The following WWOX variants were observed in gnomAD, a reference collection of about 807,000 sequenced individuals.
WWOX encodes the protein WW domain-containing oxidoreductase.
A neutral mutation model predicts 46.2 loss-of-function variants in WWOX; 69 were observed. The ratio of observed to expected loss-of-function variants is 1.49; its 90% CI spans 1.23 to 1.82. WWOX has a LOEUF of 1.82. Ranked by LOEUF, WWOX falls within the 40% of genes most tolerant of loss-of-function variation. The probability of loss-of-function intolerance (pLI) is 0.00; values close to 1 mark genes in which losing one functional copy is unlikely to be tolerated. For missense variants in WWOX, 919 were observed against 542.6 expected (o/e 1.69, Z -6.89); for synonymous variants, 359 against 202.6 (o/e 1.77, Z -6.56).
intron 8 of WWOX, among the ~76,000 whole-genome samples, chr16:78,682,527 G>A (rs1261512348): frequency 2.6e-5 from 4 of 152,084 alleles, no homozygotes; most frequent in African/African-American, 7.2e-5. Flanking sequence ...AGGCTGCAAC[G>A]ACTTACGATC....
intron 8 of WWOX, among the ~76,000 whole-genome samples, chr16:78,574,234 C>G (rs2044791084): frequency 6.6e-6 from 1 of 152,210 alleles, no homozygotes; most frequent in Non-Finnish European, 1.5e-5. Flanking sequence ...TGGTGTCTTA[C>G]ATGCCCAATG....
At chr16:78,916,667 T>G (rs1431648415) in intron 8 of WWOX, among the ~76,000 whole-genome samples, 1 of 152,184 alleles carries the variant, frequency 6.6e-6, no homozygotes, top group Non-Finnish European at 1.5e-5. Context: ...TTAGTAAAAT[T>G]CCATCCCAGG....
chr16:78,732,832 C>T (rs182998100), intron 8 of WWOX, among the ~76,000 whole-genome samples: 1 of 152,294 alleles, frequency 6.6e-6, no homozygotes, highest in Admixed American at 6.5e-5. Flanking sequence ...TTCTGTAACT[C>T]TTAGGCAGGG....
chr16:78,757,928 T>C (rs1289206071), intron 8 of WWOX, among the ~76,000 whole-genome samples: 6 of 151,934 alleles, frequency 3.9e-5, no homozygotes, highest in East Asian at 1.9e-4. Flanking sequence ...ACCTTGGAGA[T>C]TAGGGTTTCC....
At chr16:78,682,436 C>T (rs1474694948) in intron 8 of WWOX, among the ~76,000 whole-genome samples, 4 of 151,986 alleles carry the variant, frequency 2.6e-5, no homozygotes, top group Non-Finnish European at 4.4e-5. Context: ...TTCCTTTAGC[C>T]GGGTCTGGTG....
intron 8 of WWOX, among the ~76,000 whole-genome samples, chr16:78,560,343 A>G (rs778345779): frequency 6.6e-6 from 1 of 152,214 alleles, no homozygotes; most frequent in Non-Finnish European, 1.5e-5. Context: ...TATTATTACC[A>G]TCAAGAATAA....
intron 4 of WWOX, among the ~76,000 whole-genome samples, chr16:78,117,023 A>G (rs950768825): frequency 6.6e-6 from 1 of 152,218 alleles, no homozygotes; most frequent in Non-Finnish European, 1.5e-5. Flanking sequence ...AAAGGGTGAT[A>G]TCTAGTTAGA....
At chr16:79,099,877 G>T (rs182769195) in intron 8 of WWOX, among the ~76,000 whole-genome samples, 1 of 152,188 alleles carries the variant, frequency 6.6e-6, no homozygotes, top group Non-Finnish European at 1.5e-5. Flanking sequence ...TTATTGCAAG[G>T]AGTTGGCTTA....
At chr16:78,602,289 G>A (rs1355731913) in intron 8 of WWOX, among the ~76,000 whole-genome samples, 2 of 152,182 alleles carry the variant, frequency 1.3e-5, no homozygotes, top group African/African-American at 4.8e-5. Flanking sequence ...CTGGAGTGCA[G>A]TGGTGTAATC....
intron 8 of WWOX, among the ~76,000 whole-genome samples, chr16:78,601,784 A>G (rs930496483): frequency 6.6e-6 from 1 of 152,192 alleles, no homozygotes; most frequent in Admixed American, 6.5e-5. Context: ...GGCTATTTCA[A>G]TGATTTTCTC....
At chr16:78,597,168 C>T (rs1205599907) in intron 8 of WWOX, among the ~76,000 whole-genome samples, 1 of 152,168 alleles carries the variant, frequency 6.6e-6, no homozygotes, top group East Asian at 1.9e-4. Flanking sequence ...AGAGGGAAAA[C>T]AGCTTAGCAA....
At chr16:78,240,994 C>G (rs1039371834) in intron 5 of WWOX, among the ~76,000 whole-genome samples, 1 of 152,150 alleles carries the variant, frequency 6.6e-6, no homozygotes, top group Non-Finnish European at 1.5e-5. Flanking sequence ...AACGTCCTGA[C>G]CTCCATCTCA....
intron 6 of WWOX, among the ~76,000 whole-genome samples, chr16:78,392,017 A>G (rs2082184716): frequency 6.6e-6 from 1 of 151,600 alleles, no homozygotes; most frequent in African/African-American, 2.4e-5. Flanking sequence ...TTCCTTAAAA[A>G]AATTTCTTTT....
chr16:79,075,426 C>G (rs2048636710), intron 8 of WWOX, among the ~76,000 whole-genome samples: 1 of 152,092 alleles, frequency 6.6e-6, no homozygotes, highest in African/African-American at 2.4e-5. Flanking sequence ...TCCCCTATAC[C>G]TAAGTTTTTA....
At chr16:78,702,181 G>A (rs1450088372) in intron 8 of WWOX, among the ~76,000 whole-genome samples, 2 of 147,108 alleles carry the variant, frequency 1.4e-5, no homozygotes, top group Non-Finnish European at 3.0e-5. Context: ...TCCGGAGGCC[G>A]AGGCAGGAGA....
intron 8 of WWOX, among the ~76,000 whole-genome samples, chr16:78,659,019 G>T (rs200349024): frequency 1.3e-5 from 2 of 150,460 alleles, no homozygotes; most frequent in Non-Finnish European, 3.0e-5. Context: ...TTGAACCTGG[G>T]AGGCAGAGGT....
intron 8 of WWOX, among the ~76,000 whole-genome samples, chr16:78,486,478 TC>T: frequency 6.6e-6 from 1 of 152,336 alleles, no homozygotes; most frequent in Non-Finnish European, 1.5e-5. Flanking sequence ...GTCTTAAAGT[TC>T]CTGATAGTTT....
At chr16:78,423,349 C>G (rs1421670332) in intron 6 of WWOX, among the ~76,000 whole-genome samples, 1 of 151,986 alleles carries the variant, frequency 6.6e-6, no homozygotes, top group African/African-American at 2.4e-5. Flanking sequence ...GCATAGTATT[C>G]TATCATATGG....
At chr16:78,428,467 C>T (rs566042434) in intron 7 of WWOX, among the ~76,000 whole-genome samples, 6 of 152,286 alleles carry the variant, frequency 3.9e-5, no homozygotes, top group Admixed American at 2.6e-4. Flanking sequence ...AGGGGTCACC[C>T]TTACAGGGAA....
Sources: allele counts gnomAD v4.1 joint callset (sites outside exome capture counted in the v4.1 genomes callset), GRCh38; gene constraint gnomAD v4.1.1; transcripts MANE v1.5; gene names NCBI Gene and HGNC (gene_info 2026-07-23, HGNC 2026-07-21).